The following NRXN1 variants were observed in gnomAD, a reference collection of about 807,000 sequenced individuals.
The protein encoded by NRXN1 is neurexin 1.
A neutral mutation model predicts 150.9 loss-of-function variants in NRXN1; 39 were observed. That is an observed-to-expected ratio of 0.26 (90% CI 0.20 to 0.34). The LOEUF (loss-of-function observed/expected upper bound fraction) is 0.34, where lower values mean the gene tolerates loss of function less well. Among genes scored for constraint, NRXN1 ranks in the 10% least tolerant of loss-of-function variants. The probability of loss-of-function intolerance (pLI) is 1.00; values close to 1 mark genes in which losing one functional copy is unlikely to be tolerated. For synonymous variants in NRXN1, 924 were observed against 757.0 expected (o/e 1.22, Z -3.62); for missense variants, 1,815 against 1,949.9 (o/e 0.93, Z 1.30).
chr2:50,350,237 C>T lies in NRXN1; in HGVS notation c.3365-113267G>A, dbSNP rs553781065. On this transcript the variant is annotated intron_variant, in intron 17 of 22. Coordinates refer to ENST00000401669, the MANE Select transcript of NRXN1 (RefSeq NM_001330078.2). ...AACATTGAACTCATGACCAGCAGCA[C>T]TCTAACTCATGCCTAAAAGAAACAT... Among the ~76,000 whole-genome samples the T allele has an allele frequency of 8.9e-4, 135 of 152,290 alleles. 1 individual carries two copies. The highest frequency in any genetic ancestry group is 2.8e-3 in the African/African-American group (116 of 41,554).
chr2:50,110,676 T>C (rs1702265986), intron 18 of NRXN1, among the ~76,000 whole-genome samples: 1 of 152,124 alleles, frequency 6.6e-6, no homozygotes, highest in Non-Finnish European at 1.5e-5. Flanking sequence ...AGCACATAAA[T>C]GGAGGGGCCA....
intron 18 of NRXN1, among the ~76,000 whole-genome samples, chr2:50,206,908 A>G (rs1392208514): frequency 7.0e-6 from 1 of 141,986 alleles, no homozygotes; most frequent in Non-Finnish European, 1.6e-5. Context: ...ACACACACAT[A>G]CATATACACA....
intron 2 of NRXN1, among the ~76,000 whole-genome samples, chr2:50,932,538 G>C (rs1687912059): frequency 6.6e-6 from 1 of 151,936 alleles, no homozygotes; most frequent in Non-Finnish European, 1.5e-5. Flanking sequence ...ACTAAGCTAT[G>C]AGGACACAAA....
intron 5 of NRXN1, among the ~76,000 whole-genome samples, chr2:50,817,819 C>T (rs1406876309): frequency 6.6e-6 from 1 of 151,798 alleles, no homozygotes; most frequent in Non-Finnish European, 1.5e-5. Flanking sequence ...ATGATAAAAA[C>T]ACTTAACAAA....
chr2:50,027,004 C>T (rs1413911073), intron 21 of NRXN1, among the ~76,000 whole-genome samples: 5 of 150,864 alleles, frequency 3.3e-5, no homozygotes, highest in Admixed American at 2.0e-4. Flanking sequence ...GCTTCAGCCT[C>T]CCAAGTAGCT....
chr2:50,647,979 T>C (rs1198452422), intron 5 of NRXN1, among the ~76,000 whole-genome samples: 1 of 151,968 alleles, frequency 6.6e-6, no homozygotes, highest in Non-Finnish European at 1.5e-5. Context: ...ACCAAAATGA[T>C]ATCATGTATT....
intron 17 of NRXN1, among the ~76,000 whole-genome samples, chr2:50,462,553 G>T (rs1030946145): frequency 6.6e-6 from 1 of 151,738 alleles, no homozygotes; most frequent in African/African-American, 2.4e-5. Context: ...ACTTGAAGAG[G>T]TGAGTATATG....
At chr2:50,496,155 A>G (rs2091605605) in intron 14 of NRXN1, 60 bp from the exon 15 acceptor site, 3 of 1,326,570 alleles carry the variant, frequency 2.3e-6, no homozygotes, top group Non-Finnish European at 3.1e-6. Context: ...ATGAACCTAA[A>G]GTAGATATTA....
chr2:50,549,872 T>A (rs923142861), intron 9 of NRXN1, among the ~76,000 whole-genome samples: 1 of 152,160 alleles, frequency 6.6e-6, no homozygotes, highest in African/African-American at 2.4e-5. Flanking sequence ...TATGTGTATA[T>A]GTGCATGTGT....
chr2:50,553,107 C>T (rs1414790321), intron 8 of NRXN1, 82 bp from the exon 9 acceptor site: 21 of 997,832 alleles, frequency 2.1e-5, no homozygotes, highest in African/African-American at 3.2e-5. Context: ...TAACTTTCAA[C>T]GACATCATAA....
chr2:50,276,203 T>C (rs2152927336), intron 17 of NRXN1, among the ~76,000 whole-genome samples: 1 of 152,134 alleles, frequency 6.6e-6, no homozygotes, highest in African/African-American at 2.4e-5. Flanking sequence ...GCTTAATTTT[T>C]TATATTATTG....
intron 5 of NRXN1, among the ~76,000 whole-genome samples, chr2:50,816,044 G>A (rs1229896550): frequency 6.6e-6 from 1 of 152,130 alleles, no homozygotes; most frequent in Non-Finnish European, 1.5e-5. Context: ...AGTATAATTA[G>A]TGCAACCAAA....
chr2:50,274,050 C>A (rs552648826), intron 17 of NRXN1, among the ~76,000 whole-genome samples: 6 of 152,098 alleles, frequency 3.9e-5, no homozygotes, highest in Non-Finnish European at 7.4e-5. Flanking sequence ...GATTATAAAT[C>A]ATTCTACTAT....
intron 5 of NRXN1, among the ~76,000 whole-genome samples, chr2:50,908,066 A>T (rs554799622): frequency 1.3e-5 from 2 of 152,202 alleles, no homozygotes; most frequent in South Asian, 4.1e-4. Context: ...GTATTCACCT[A>T]CTGAGCTATA....
intron 18 of NRXN1, among the ~76,000 whole-genome samples, chr2:50,108,245 A>G (rs1701933025): frequency 6.6e-6 from 1 of 152,038 alleles, no homozygotes. Context: ...TAAATGTAGC[A>G]CACACACACA....
At chr2:50,844,638 A>T (rs538721540) in intron 5 of NRXN1, among the ~76,000 whole-genome samples, 2 of 152,298 alleles carry the variant, frequency 1.3e-5, no homozygotes, top group South Asian at 4.1e-4. Flanking sequence ...AGTATACATC[A>T]TATTATGATA....
intron 19 of NRXN1, among the ~76,000 whole-genome samples, chr2:50,060,392 C>A (rs769702523): frequency 6.6e-6 from 1 of 152,072 alleles, no homozygotes; most frequent in Non-Finnish European, 1.5e-5. Flanking sequence ...TAGGAAGTAC[C>A]CACCTTGCTT....
intron 5 of NRXN1, among the ~76,000 whole-genome samples, chr2:50,880,772 A>G (rs1035350042): frequency 2.0e-5 from 3 of 151,978 alleles, no homozygotes; most frequent in Non-Finnish European, 2.9e-5. Context: ...GGTCTATAGA[A>G]ATACACTGAA....
intron 18 of NRXN1, among the ~76,000 whole-genome samples, chr2:50,110,298 G>A (rs1043746250): frequency 6.6e-6 from 1 of 151,990 alleles, no homozygotes; most frequent in African/African-American, 2.4e-5. Context: ...AGACCATCCT[G>A]TCTAACACGG....
Sources: gnomAD v4.1 joint callset for allele counts (sites outside exome capture counted in the v4.1 genomes callset) on GRCh38, gnomAD v4.1.1 for gene constraint, MANE v1.5 for transcripts, NCBI Gene and HGNC (gene_info 2026-07-23, HGNC 2026-07-21) for gene names.